ASIC2: variants seen among roughly 807,000 people sequenced by gnomAD.
The protein encoded by ASIC2 is acid sensing ion channel subunit 2, also known as acid-sensing ion channel 2.
A neutral mutation model predicts 57.3 loss-of-function variants in ASIC2; 25 were observed. That is an observed-to-expected ratio of 0.44 (90% confidence interval 0.32 to 0.61). The LOEUF (loss-of-function observed/expected upper bound fraction) is 0.61. ASIC2 is among the 20% of genes least tolerant of loss of function. ASIC2 has a pLI of 0.06. For synonymous variants in ASIC2, 319 were observed against 307.5 expected (o/e 1.04, Z -0.39); for missense variants, 641 against 738.1 (o/e 0.87, Z 1.52).
At chr17:33,335,103 A>G (rs555621280) in intron 1 of ASIC2, among the ~76,000 whole-genome samples, 1 of 152,324 alleles carries the variant, frequency 6.6e-6, no homozygotes, top group African/African-American at 2.4e-5. Flanking sequence ...CCCTTTTTAC[A>G]TTAAATTGTG....
intron 1 of ASIC2, among the ~76,000 whole-genome samples, chr17:34,106,455 G>A (rs1289623912): frequency 6.6e-6 from 1 of 151,938 alleles, no homozygotes; most frequent in Non-Finnish European, 1.5e-5. Flanking sequence ...ATATTGATTA[G>A]TTGGCCCTCA....
intron 1 of ASIC2, among the ~76,000 whole-genome samples, chr17:33,678,762 C>G (rs1907906760): frequency 6.6e-6 from 1 of 152,138 alleles, no homozygotes; most frequent in Admixed American, 6.5e-5. Flanking sequence ...CAGCTGGAAC[C>G]TCAGAGCAAA....
rs182309571 is a variant in ASIC2, at chr17:33,908,369, G to T, written c.555+247609C>A. Reference sequence around the variant, plus strand: ...GCCAGGGGTCAAGGACACCATATTGGACTATCTATTTTCTGCTGTGTACAT... The same window carrying T: ...GCCAGGGGTCAAGGACACCATATTGTACTATCTATTTTCTGCTGTGTACAT... On this transcript the variant is annotated intron_variant, in intron 1 of 9. Coordinates refer to the ASIC2 transcript ENST00000359872. Among the ~76,000 whole-genome samples the T allele has an allele frequency of 1.8e-3, 277 of 152,296 alleles. 2 individuals carry two copies. Among genetic ancestry groups the T allele is most frequent in the Non-Finnish European group, 3.4e-3 (233 of 68,026 alleles).
At chr17:33,041,746 C>T (rs892157054) in intron 3 of ASIC2, among the ~76,000 whole-genome samples, 1 of 152,200 alleles carries the variant, frequency 6.6e-6, no homozygotes, top group Non-Finnish European at 1.5e-5. Flanking sequence ...CTCATGGGCT[C>T]TACAATGAGG....
In ASIC2 at chr17:33,502,941, C is replaced by A. The variant is rs1046732091; in HGVS notation, c.556-390874G>T. 2.0e-5 allele frequency among the ~76,000 whole-genome samples: 3 copies of A among 152,090 alleles called. No homozygotes were observed. In the South Asian group the frequency reaches 6.2e-4, roughly 32 times the overall value. Reference sequence around the variant, plus strand: ...AAAGAGAAAAATTTTTACAGGAAGGCGCATTTAAGAAAATTTTCAAGGAAG... The same window carrying A: ...AAAGAGAAAAATTTTTACAGGAAGGAGCATTTAAGAAAATTTTCAAGGAAG... On this transcript the variant is annotated intron_variant, in intron 1 of 9. Transcript: ENST00000359872.
intron 1 of ASIC2, among the ~76,000 whole-genome samples, chr17:33,648,780 C>T (rs948834881): frequency 5.3e-5 from 8 of 152,172 alleles, no homozygotes; most frequent in African/African-American, 9.7e-5. Context: ...CTATTCAACT[C>T]ACATGTACAA....
chr17:33,768,463 A>G (rs1347436694), intron 1 of ASIC2, among the ~76,000 whole-genome samples: 1 of 152,200 alleles, frequency 6.6e-6, no homozygotes, highest in Non-Finnish European at 1.5e-5. Flanking sequence ...AAACAAGCAT[A>G]TAAATGGGCC....
intron 1 of ASIC2, among the ~76,000 whole-genome samples, chr17:33,845,920 T>C (rs1041094607): frequency 6.6e-6 from 1 of 152,218 alleles, no homozygotes; most frequent in Non-Finnish European, 1.5e-5. Context: ...AGCATTTAGC[T>C]GTTTAGCTAA....
At position 33,292,587 on chromosome 17, in the gene ASIC2, T is replaced by G. The variant is rs1346703007; in HGVS notation, c.-472A>C. On this transcript the variant is annotated 5_prime_UTR_variant, in exon 1 of 10. Transcript: ENST00000225823. ...AGAAGGGCCACTCGGCCACCATGCCTGATCTGGACATCCCCAGGGACCCCA... is the reference window on the plus strand; with the variant it reads ...AGAAGGGCCACTCGGCCACCATGCCGGATCTGGACATCCCCAGGGACCCCA... The G allele has an allele frequency of 3.0e-6, 3 of 984,982 alleles. No homozygotes were observed. Among genetic ancestry groups the G allele is most frequent in the Non-Finnish European group, 3.6e-6 (3 of 829,654 alleles). 61.0% of individuals were successfully genotyped at this position (984,982 alleles called of 1,614,324 possible).
intron 1 of ASIC2, among the ~76,000 whole-genome samples, chr17:33,691,747 C>T (rs984243222): frequency 6.6e-6 from 1 of 152,034 alleles, no homozygotes; most frequent in African/African-American, 2.4e-5. Flanking sequence ...CCCATGGCTT[C>T]CACATATTGT....
intron 1 of ASIC2, among the ~76,000 whole-genome samples, chr17:33,972,117 A>T (rs1448375318): frequency 2.6e-5 from 4 of 152,178 alleles, no homozygotes; most frequent in Admixed American, 1.3e-4. Flanking sequence ...AACAACTATA[A>T]ACTATAGACT....
chr17:33,335,938 T>A (rs866855429), intron 1 of ASIC2, among the ~76,000 whole-genome samples: 15 of 152,096 alleles, frequency 9.9e-5, no homozygotes, highest in Non-Finnish European at 1.9e-4. Context: ...AGCAGCAGAA[T>A]CTCCTTTGAA....
chr17:33,939,132 A>G (rs1267467571), intron 1 of ASIC2, among the ~76,000 whole-genome samples: 1 of 152,196 alleles, frequency 6.6e-6, no homozygotes, highest in African/African-American at 2.4e-5. Context: ...ATGGGATGGG[A>G]CAGAAATTTC....
chr17:33,649,697 GAACA>G (rs150879085), intron 1 of ASIC2, among the ~76,000 whole-genome samples: 3,158 of 152,212 alleles, frequency 0.021, 92 homozygotes, highest in African/African-American at 0.071. Context: ...TAAAGAAACA[GAACA>G]AAGAACCAAG....
intron 1 of ASIC2, chr17:33,954,950 C>T (rs1038907329): frequency 2.6e-5 from 4 of 152,184 alleles, no homozygotes; most frequent in Admixed American, 6.5e-5. Context: ...GAGTATTACA[C>T]TGAGTACTAA....
chr17:33,505,059 A>G (rs1914208679), intron 1 of ASIC2, among the ~76,000 whole-genome samples: 1 of 152,198 alleles, frequency 6.6e-6, no homozygotes, highest in Non-Finnish European at 1.5e-5. Context: ...CAGGGCTGGT[A>G]CAGAGCATGG....
intron 1 of ASIC2, among the ~76,000 whole-genome samples, chr17:33,901,503 G>T (rs1260270475): frequency 1.3e-5 from 2 of 151,900 alleles, no homozygotes; most frequent in Admixed American, 1.3e-4. Flanking sequence ...TTTCATTCTG[G>T]AGCACCTACC....
chr17:33,940,925 C>A (rs1008539863), intron 1 of ASIC2, among the ~76,000 whole-genome samples: 1 of 152,232 alleles, frequency 6.6e-6, no homozygotes, highest in African/African-American at 2.4e-5. Flanking sequence ...GTAGCCCAGA[C>A]GGAGTGGGCC....
chr17:33,977,722 G>A (rs2142002088), intron 1 of ASIC2, among the ~76,000 whole-genome samples: 1 of 152,254 alleles, frequency 6.6e-6, no homozygotes, highest in African/African-American at 2.4e-5. Context: ...AGAAGGTTTT[G>A]ATGTCTGTCG....
Sources: gnomAD v4.1 joint callset for allele counts (sites outside exome capture counted in the v4.1 genomes callset) on GRCh38, gnomAD v4.1.1 for gene constraint, MANE v1.5 for transcripts, NCBI Gene and HGNC (gene_info 2026-07-23, HGNC 2026-07-21) for gene names.